The following UST variants were observed in gnomAD, a reference collection of about 807,000 sequenced individuals.
UST encodes the protein uronyl 2-sulfotransferase.
In UST, 21 loss-of-function variants were observed where a neutral mutation model predicts 45.6. That is an observed-to-expected ratio of 0.46 (90% CI 0.33 to 0.66). The LOEUF (loss-of-function observed/expected upper bound fraction) is 0.66, where lower values mean the gene tolerates loss of function less well. Among genes scored for constraint, UST ranks in the 30% least tolerant of loss-of-function variants. The pLI is 0.02. For missense variants in UST, 463 were observed against 512.4 expected (o/e 0.90, Z 0.93); for synonymous variants, 215 against 200.6 (o/e 1.07, Z -0.61).
At chr6:148,853,654 CT>C (rs1340291319) in intron 1 of UST, among the ~76,000 whole-genome samples, 6 of 152,164 alleles carry the variant, frequency 3.9e-5, no homozygotes, top group Admixed American at 1.3e-4. Flanking sequence ...AATCATGATT[CT>C]GACTGATATG....
At chr6:149,016,195 A>G (rs1307257008) in intron 5 of UST, among the ~76,000 whole-genome samples, 2 of 152,240 alleles carry the variant, frequency 1.3e-5, no homozygotes, top group Non-Finnish European at 2.9e-5. Context: ...ATCCCCCAGG[A>G]TGCGTCTTGG....
chr6:148,810,329 T>C (rs572469193), intron 1 of UST, among the ~76,000 whole-genome samples: 1 of 152,242 alleles, frequency 6.6e-6, no homozygotes, highest in African/African-American at 2.4e-5. Context: ...GTTCAAAAAC[T>C]GTACTTTCAA....
intron 1 of UST, among the ~76,000 whole-genome samples, chr6:148,847,583 C>T (rs1778016202): frequency 6.6e-6 from 1 of 152,208 alleles, no homozygotes; most frequent in South Asian, 2.1e-4. Context: ...TTATTCCTTA[C>T]ACAAGGACAT....
At chr6:149,020,388 G>C (rs1488159050) in intron 6 of UST, among the ~76,000 whole-genome samples, 1 of 152,128 alleles carries the variant, frequency 6.6e-6, no homozygotes, top group Non-Finnish European at 1.5e-5. Flanking sequence ...TTTGGGGCTG[G>C]ATGACTCACT....
At chr6:148,759,847 C>CAAAAAA (rs71554421) in intron 1 of UST, among the ~76,000 whole-genome samples, 4 of 59,196 alleles carry the variant, frequency 6.8e-5, no homozygotes, top group African/African-American at 3.1e-4. Context: ...GACTCTGTCT[C>CAAAAAA]AAAAAAAAAA....
At chr6:148,991,925 A>G (rs1781361164) in intron 5 of UST, among the ~76,000 whole-genome samples, 1 of 152,210 alleles carries the variant, frequency 6.6e-6, no homozygotes, top group South Asian at 2.1e-4. Flanking sequence ...CAATATTAAA[A>G]ATATGAGTAC....
intron 1 of UST, among the ~76,000 whole-genome samples, chr6:148,792,827 T>C (rs766358199): frequency 1.3e-5 from 2 of 152,208 alleles, no homozygotes; most frequent in Non-Finnish European, 2.9e-5. Context: ...GGAAAGTAAA[T>C]TAGCAAAACT....
At chr6:148,835,608 A>G (rs553631396) in intron 1 of UST, among the ~76,000 whole-genome samples, 4 of 152,248 alleles carry the variant, frequency 2.6e-5, no homozygotes, top group East Asian at 1.9e-4. Flanking sequence ...TGAGTCTCCA[A>G]TCTGTCATTT....
intron 5 of UST, among the ~76,000 whole-genome samples, chr6:149,012,806 A>T (rs200369070): frequency 1.5e-3 from 181 of 123,026 alleles, no homozygotes; most frequent in East Asian, 5.8e-3. Flanking sequence ...TCACTATTTA[A>T]AAAAAAAAAA....
chr6:149,060,715 G>C (rs1776641607), intron 7 of UST, among the ~76,000 whole-genome samples: 1 of 152,172 alleles, frequency 6.6e-6, no homozygotes, highest in African/African-American at 2.4e-5. Flanking sequence ...CCTGTTGCCT[G>C]AGAAAGTGTG....
chr6:149,036,422 T>C (rs557296836), intron 7 of UST, among the ~76,000 whole-genome samples: 17 of 152,362 alleles, frequency 1.1e-4, no homozygotes, highest in African/African-American at 3.8e-4. Flanking sequence ...CTTCCACTGA[T>C]AATCCTTCTC....
intron 5 of UST, among the ~76,000 whole-genome samples, chr6:149,014,856 C>G (rs1198552419): frequency 6.6e-6 from 1 of 152,186 alleles, no homozygotes; most frequent in Non-Finnish European, 1.5e-5. Context: ...AGGGAAATCA[C>G]AGTTTGTATC....
intron 1 of UST, among the ~76,000 whole-genome samples, chr6:148,823,398 A>G (rs1030664175): frequency 6.6e-5 from 10 of 152,250 alleles, no homozygotes; most frequent in Admixed American, 2.0e-4. Context: ...TCCAGCTAAC[A>G]TCAGATCTTC....
At chr6:148,821,187 T>C (rs571756548) in intron 1 of UST, among the ~76,000 whole-genome samples, 3 of 151,558 alleles carry the variant, frequency 2.0e-5, no homozygotes, top group Non-Finnish European at 2.9e-5. Flanking sequence ...GATAGGCTGG[T>C]CTCCAACTCC....
intron 1 of UST, among the ~76,000 whole-genome samples, chr6:148,877,662 AGGGGTCATGTATGAGTGCAG>A (rs1488299800): frequency 1.4e-4 from 4 of 27,972 alleles, no homozygotes; most frequent in African/African-American, 4.8e-4. Flanking sequence ...TATGAGTGCG[AGGGGTCATGTATGAGTGCAG>A]GGGGTCATGT....
chr6:148,798,516 G>A (rs950345711), intron 1 of UST, among the ~76,000 whole-genome samples: 1 of 152,226 alleles, frequency 6.6e-6, no homozygotes, highest in Non-Finnish European at 1.5e-5. Flanking sequence ...CAGCATGATT[G>A]CCCTGTAAAT....
intron 1 of UST, among the ~76,000 whole-genome samples, chr6:148,877,567 G>A (rs889393924): frequency 6.6e-5 from 9 of 135,406 alleles, no homozygotes; most frequent in Non-Finnish European, 1.4e-4. Context: ...GTGTATGAGT[G>A]CAGGGGTCGT....
At chr6:148,929,464 A>G (rs1779881522) in intron 2 of UST, among the ~76,000 whole-genome samples, 1 of 152,206 alleles carries the variant, frequency 6.6e-6, no homozygotes, top group Non-Finnish European at 1.5e-5. Flanking sequence ...AGACTTTGTA[A>G]TTCTGCATGG....
At chr6:148,968,221 C>T (rs966220063) in intron 5 of UST, among the ~76,000 whole-genome samples, 5 of 152,192 alleles carry the variant, frequency 3.3e-5, no homozygotes, top group Non-Finnish European at 5.9e-5. Flanking sequence ...ACAAAGACAT[C>T]GCTGTTACAG....
Sources: allele counts gnomAD v4.1 joint callset (sites outside exome capture counted in the v4.1 genomes callset), GRCh38; gene constraint gnomAD v4.1.1; transcripts MANE v1.5; gene names NCBI Gene and HGNC (gene_info 2026-07-23, HGNC 2026-07-21).